The following FNDC7 variants were observed in gnomAD, a reference collection of about 807,000 sequenced individuals.
FNDC7 encodes fibronectin type III domain-containing protein 7.
In FNDC7, 66 loss-of-function variants were observed where a neutral mutation model predicts 74.2. The ratio of observed to expected loss-of-function variants is 0.89; its 90% confidence interval spans 0.73 to 1.09. FNDC7 has a LOEUF of 1.09. FNDC7 is among the 50% of genes least tolerant of loss of function. The pLI is 0.00. For missense variants in FNDC7, 829 were observed against 893.4 expected (o/e 0.93, Z 0.92); for synonymous variants, 307 against 330.2 (o/e 0.93, Z 0.76).
rs377462314 is a variant in FNDC7, at chr1:108,730,975, T to C, written c.1879+47T>C. The C allele has an allele frequency of 1.4e-5, 22 of 1,556,612 alleles. No homozygotes were observed. In the South Asian group the frequency reaches 2.4e-4, roughly 17 times the overall value. On this transcript the variant is annotated intron_variant, in intron 9 of 12. Transcript: ENST00000370017. ...AGTAGCAGTAAGGACTTGACTATTA[T>C]CAATCCAGGCATGAGCCTTTCCTCC... is the stretch of plus-strand genomic sequence containing the variant.
rs10857900 is a variant in FNDC7 at position 108,727,326 on chromosome 1, T to C, written c.1112-482T>C. ...GGTGGCAGAGCAAGACCCTGTCTCT[T>C]TGAAAAAACAAAACAACAACAACAA... On this transcript the variant is annotated intron_variant, in intron 6 of 12. Transcript: ENST00000370017. 6.6e-5 allele frequency among the ~76,000 whole-genome samples: 10 copies of C among 151,590 alleles called. No individual in the cohort carries two copies. In the East Asian group the frequency reaches 1.9e-3, roughly 29 times the overall value.
intron 10 of FNDC7, among the ~76,000 whole-genome samples, chr1:108,736,524 T>TATTTAAAAAA (rs1661518964): frequency 6.6e-6 from 1 of 152,206 alleles, no homozygotes; most frequent in Non-Finnish European, 1.5e-5. Context: ...TAAAAAAGAA[T>TATTTAAAAAA]GAATCAATGA....
chr1:108,736,222 A>G lies in FNDC7; in HGVS notation c.2141-1273A>G. 1.3e-5 allele frequency among the ~76,000 whole-genome samples: 2 copies of G among 151,780 alleles called. 1 individual carries two copies. Among genetic ancestry groups the G allele is most frequent in the Non-Finnish European group, 2.9e-5 (2 of 67,914 alleles). Reference sequence around the variant, plus strand: ...CCTGCTTCGGCCACACACACCTCCTATTCTATGTCATGTTCTGGAGCTACT... The same window carrying G: ...CCTGCTTCGGCCACACACACCTCCTGTTCTATGTCATGTTCTGGAGCTACT... On this transcript the variant is annotated intron_variant, in intron 10 of 12. Transcript: ENST00000370017.
chr1:108,739,081 A>T (rs1006552934), intron 11 of FNDC7, among the ~76,000 whole-genome samples: 1 of 152,112 alleles, frequency 6.6e-6, no homozygotes, highest in Non-Finnish European at 1.5e-5. Flanking sequence ...CTTGCCTATG[A>T]TTTTGTTCAA....
chr1:108,732,690 C>T (rs1006590044), intron 9 of FNDC7, among the ~76,000 whole-genome samples: 8 of 151,178 alleles, frequency 5.3e-5, no homozygotes, highest in African/African-American at 1.9e-4. Context: ...ACATGGATTT[C>T]TCTCTCTCTC....
At chr1:108,735,212 C>T (rs966876418) in intron 10 of FNDC7, among the ~76,000 whole-genome samples, 1 of 152,186 alleles carries the variant, frequency 6.6e-6, no homozygotes, top group African/African-American at 2.4e-5. Context: ...CATGATGGTT[C>T]CTAAATCCCG....
chr1:108,724,321 A>C lies in FNDC7; in HGVS notation c.857-1429A>C, dbSNP rs969712462. Reference sequence around the variant, plus strand: ...ATCTGAGAATGTCTCCTGGGTTTGTACTGAGTTGTACATACTATTTGATTT... The same window carrying C: ...ATCTGAGAATGTCTCCTGGGTTTGTCCTGAGTTGTACATACTATTTGATTT... On this transcript the variant is annotated intron_variant, in intron 5 of 12. Transcript: ENST00000370017. 4.6e-5 allele frequency among the ~76,000 whole-genome samples: 7 copies of C among 151,968 alleles called. No individual in the cohort carries two copies. In the South Asian group the frequency reaches 6.2e-4, roughly 14 times the overall value.
intron 10 of FNDC7, among the ~76,000 whole-genome samples, chr1:108,736,450 T>C (rs1466675368): frequency 1.3e-5 from 2 of 152,246 alleles, no homozygotes; most frequent in Non-Finnish European, 2.9e-5. Context: ...TTTCTCCTAA[T>C]AAATGATTAT....
intron 4 of FNDC7, among the ~76,000 whole-genome samples, chr1:108,719,982 C>T (rs1007543437): frequency 6.6e-6 from 1 of 152,048 alleles, no homozygotes; most frequent in African/African-American, 2.4e-5. Flanking sequence ...GTGTATGGGC[C>T]AAGGCAGAAT....
At chr1:108,733,649 CTTTTTTTTTTT>C (rs397981150) in intron 10 of FNDC7, 117 bp downstream of exon 10, 71 of 614,320 alleles carry the variant, frequency 1.2e-4, no homozygotes, top group Admixed American at 2.3e-4. Context: ...AAATTTCTTT[CTTTTTTTTTTT>C]TTTTTTTTTT....
chr1:108,738,204 C>T (rs1038362336), intron 11 of FNDC7, among the ~76,000 whole-genome samples: 1 of 152,128 alleles, frequency 6.6e-6, no homozygotes, highest in Non-Finnish European at 1.5e-5. Context: ...CAGAGAGCTA[C>T]GATGTTTGCT....
At chr1:108,739,864 T>C (rs1019411540) in intron 11 of FNDC7, among the ~76,000 whole-genome samples, 10 of 152,000 alleles carry the variant, frequency 6.6e-5, no homozygotes, top group African/African-American at 2.4e-4. Context: ...TCTGCTACTC[T>C]CTTGAAGTAG....
At chr1:108,715,660 C>CAT (rs1192056124) in intron 2 of FNDC7, among the ~76,000 whole-genome samples, 7 of 70,624 alleles carry the variant, frequency 9.9e-5, no homozygotes, top group Non-Finnish European at 1.8e-4. Flanking sequence ...CATGCGCGTG[C>CAT]GTGCGCGCGC....
intron 10 of FNDC7, among the ~76,000 whole-genome samples, chr1:108,737,092 G>A (rs1661533543): frequency 6.7e-6 from 1 of 149,894 alleles, no homozygotes; most frequent in Non-Finnish European, 1.5e-5. Flanking sequence ...TCAGCCTCCT[G>A]AGTAGCTGGG....
chr1:108,725,956 A>G lies in FNDC7; in HGVS notation c.1063A>G (p.Asn355Asp). The change falls in exon 6 of 13, where the codon AAC becomes GAC. Residue 355 changes from asparagine to aspartate, a missense_variant. Coordinates refer to ENST00000370017, the MANE Select transcript of FNDC7 (RefSeq NM_001144937.3). ...TTATTTTATTAGTGTTTTTGTCTAT[A>G]ACAAGGCAGGGCAAAGTCCTTTGGG... ...FTYFISVFVY[N>D]KAGQSPLGDI... 1 of 1,613,752 alleles carries G rather than the reference A, an allele frequency of 6.2e-7. No individual in the cohort carries two copies. Among genetic ancestry groups the G allele is most frequent in the Non-Finnish European group, 8.5e-7 (1 of 1,179,980 alleles).
In FNDC7 at chr1:108,730,686, C is replaced by A; in HGVS notation, c.1637C>A (p.Pro546Gln). 1 of 1,575,348 alleles carries A rather than the reference C, an allele frequency of 6.3e-7. No individual in the cohort carries two copies. The highest frequency in any genetic ancestry group is 1.2e-5 in the South Asian group (1 of 86,274). The change falls in exon 9 of 13, where the codon CCA becomes CAA. Residue 546 changes from proline to glutamine, a missense_variant. Physicochemically the swap from Pro to Gln is moderately conservative, Grantham distance 76. Coordinates refer to ENST00000370017, the MANE Select transcript of FNDC7 (RefSeq NM_001144937.3). ...SVPLETVPCC[P>Q]TGLTVTQITQ... ...TATCCCATTTAAGTGCCATGCTGTC[C>A]AACCGGTCTGACAGTAACTCAAATC...
intron 9 of FNDC7, among the ~76,000 whole-genome samples, chr1:108,731,457 G>T (rs1459733971): frequency 6.6e-6 from 1 of 152,226 alleles, no homozygotes. Flanking sequence ...GCAGTGCAAG[G>T]TTACCAAATC....
Position 108,728,656 on chromosome 1 carries a change from A to G in FNDC7, c.1394A>G (p.Asn465Ser). The G allele has an allele frequency of 6.2e-7, 1 of 1,614,262 alleles. No individual in the cohort carries two copies. Among genetic ancestry groups the G allele is most frequent in the Non-Finnish European group, 8.5e-7 (1 of 1,180,048 alleles). Reference protein sequence around the residue: ...TTAPCSPEIKNVSRDAFSMIN... With the variant: ...TTAPCSPEIKSVSRDAFSMIN... ...GCTCCTTGCAGTCCTGAAATAAAAAATGTTTCAAGGGATGCATTCTCCATG... is the reference window on the plus strand; with the variant it reads ...GCTCCTTGCAGTCCTGAAATAAAAAGTGTTTCAAGGGATGCATTCTCCATG... Residue 465 changes from asparagine to serine, a missense_variant, in exon 8 of 13, where the codon AAT becomes AGT. By Grantham distance (46) the Asn-to-Ser change is conservative (BLOSUM62 1). Coordinates refer to ENST00000370017, the MANE Select transcript of FNDC7 (RefSeq NM_001144937.3).
At chr1:108,719,076 A>G (rs1381282768) in intron 4 of FNDC7, 27 bp downstream of exon 4, 4 of 1,550,136 alleles carry the variant, frequency 2.6e-6, no homozygotes, top group Admixed American at 2.0e-5. Context: ...TCAGCCTCGA[A>G]CAATTCTACT....
Sources: allele counts gnomAD v4.1 joint callset (sites outside exome capture counted in the v4.1 genomes callset), GRCh38; gene constraint gnomAD v4.1.1; transcripts MANE v1.5; gene names NCBI Gene and HGNC (gene_info 2026-07-23, HGNC 2026-07-21).